The following LPIN1 variants were observed in gnomAD, a reference collection of about 807,000 sequenced individuals.
LPIN1 encodes phosphatidate phosphatase LPIN1.
A neutral mutation model predicts 107.5 loss-of-function variants in LPIN1; 71 were observed. The ratio of observed to expected loss-of-function variants is 0.66; its 90% CI spans 0.55 to 0.80. The LOEUF is 0.80. Among genes scored for constraint, LPIN1 ranks in the 30% least tolerant of loss-of-function variants. The pLI is 0.00. For synonymous variants in LPIN1, 445 were observed against 452.6 expected, an observed-to-expected ratio of 0.98 and a Z score of 0.21; for missense variants, 1,043 against 1,160.6, an observed-to-expected ratio of 0.90 and a Z score of 1.47.
At chr2:11,722,638 G>A (rs1664230015), upstream of LPIN1, 1 of 152,218 alleles carries the variant, frequency 6.6e-6, no homozygotes, top group African/African-American at 2.4e-5. Context: ...AAGGCTGGCG[G>A]GAGTGTTACA....
chr2:11,708,310 A>AG (rs1273639885), intron 1 of LPIN1, among the ~76,000 whole-genome samples: 3 of 152,080 alleles, frequency 2.0e-5, no homozygotes, highest in Admixed American at 1.3e-4. Flanking sequence ...TTATTTGCCA[A>AG]GGGGGGGACT....
At chr2:11,718,827 G>T (rs1025194709) in intron 2 of LPIN1, among the ~76,000 whole-genome samples, 1 of 152,160 alleles carries the variant, frequency 6.6e-6, no homozygotes, top group Non-Finnish European at 1.5e-5. Flanking sequence ...TAGTCTCTTG[G>T]GGGACAATTC....
At chr2:11,805,940 C>T (rs568282163) in intron 17 of LPIN1, among the ~76,000 whole-genome samples, 7 of 152,186 alleles carry the variant, frequency 4.6e-5, no homozygotes, top group Non-Finnish European at 1.0e-4. Context: ...AGCCTCTCTC[C>T]CGCTCAGTCA....
Position 11,771,444 on chromosome 2 carries a change from A to C in LPIN1, c.361A>C (p.Lys121Gln). 6.2e-7 allele frequency: 1 copy of C among 1,614,252 alleles called. No individual in the cohort carries two copies. The highest frequency in any genetic ancestry group is 2.2e-5 in the East Asian group (1 of 44,882). Reference protein sequence around the residue: ...EGASRMECQLKRGSVDRMRGL... With the variant: ...EGASRMECQLQRGSVDRMRGL... ...AGCTTCGAGAATGGAATGCCAGCTG[A>C]AAAGGGGCTCTGTGGACAGGATGAG... The change falls in exon 4 of 21, where the codon AAA becomes CAA. Residue 121 changes from lysine to glutamine, a missense_variant. Physicochemically the swap from Lys to Gln is moderately conservative, Grantham distance 53 (BLOSUM62 1). Coordinates refer to ENST00000674199, the MANE Select transcript of LPIN1 (RefSeq NM_001349206.2). The surrounding 1 kb of genome is among the most constrained non-coding windows in gnomAD (Gnocchi z 4.8).
chr2:11,715,157 G>A (rs1156491248), intron 2 of LPIN1, among the ~76,000 whole-genome samples: 1 of 152,310 alleles, frequency 6.6e-6, no homozygotes, highest in Non-Finnish European at 1.5e-5. Flanking sequence ...CCTGTGGGTG[G>A]GAGCGCAGGC....
chr2:11,772,645 G>A (rs930026170), intron 4 of LPIN1, among the ~76,000 whole-genome samples: 1 of 151,972 alleles, frequency 6.6e-6, no homozygotes, highest in Non-Finnish European at 1.5e-5. Flanking sequence ...TGGAAATTTT[G>A]TTTCCTTTTT....
chr2:11,736,478 A>C (rs1432661014), intron 1 of LPIN1, among the ~76,000 whole-genome samples: 8 of 152,184 alleles, frequency 5.3e-5, no homozygotes, highest in African/African-American at 1.7e-4. Flanking sequence ...TCTTGCCCTC[A>C]TGAGCTCATC....
chr2:11,709,731 A>T (rs1318725460), intron 1 of LPIN1, among the ~76,000 whole-genome samples: 1 of 152,268 alleles, frequency 6.6e-6, no homozygotes, highest in Non-Finnish European at 1.5e-5. Context: ...ACCCATTTGT[A>T]AACTGGGAGC....
At chr2:11,813,508 T>A (rs1218989190) in intron 17 of LPIN1, among the ~76,000 whole-genome samples, 1 of 152,186 alleles carries the variant, frequency 6.6e-6, no homozygotes, top group Admixed American at 6.5e-5. Context: ...CTCCTCACTT[T>A]CCAGACAGGG....
chr2:11,719,463 GGGT>G (rs1375042028), upstream of LPIN1, among the ~76,000 whole-genome samples: 1 of 152,180 alleles, frequency 6.6e-6, no homozygotes, highest in East Asian at 1.9e-4. Context: ...AGGAAGTCCA[GGGT>G]ATAGCTTGCT....
intron 17 of LPIN1, chr2:11,805,457 G>T: frequency 2.0e-6 from 1 of 506,450 alleles, no homozygotes; most frequent in Non-Finnish European, 3.6e-6. Context: ...CATCCCGAGG[G>T]ATGGCAGAGG....
At chr2:11,734,457 T>C (rs1665581229) in intron 1 of LPIN1, among the ~76,000 whole-genome samples, 1 of 152,240 alleles carries the variant, frequency 6.6e-6, no homozygotes, top group South Asian at 2.1e-4. Context: ...AGTCCTCAAG[T>C]AAGAGCACTT....
chr2:11,743,044 T>C (rs112863316), upstream of LPIN1, among the ~76,000 whole-genome samples: 1,550 of 152,336 alleles, frequency 0.01, 9 homozygotes, highest in Non-Finnish European at 0.015. This position sits in a 1 kb window ranked among gnomAD's most constrained non-coding sequence, Gnocchi z 4.7. Context: ...CCTGCATCAG[T>C]GCACGGCCCT....
At chr2:11,716,385 C>T (rs538815774) in intron 2 of LPIN1, among the ~76,000 whole-genome samples, 1 of 152,184 alleles carries the variant, frequency 6.6e-6, no homozygotes, top group East Asian at 1.9e-4. Context: ...GACTCAAAGT[C>T]TCTCTCTCCT....
chr2:11,696,122 G>T (rs1358737721), intron 1 of LPIN1, among the ~76,000 whole-genome samples: 1 of 149,150 alleles, frequency 6.7e-6, no homozygotes, highest in Non-Finnish European at 1.5e-5. Flanking sequence ...TGTTACATAG[G>T]TATACGTGTG....
upstream of LPIN1, among the ~76,000 whole-genome samples, chr2:11,721,240 A>G (rs1006789342): frequency 6.7e-6 from 1 of 150,372 alleles, no homozygotes; most frequent in Non-Finnish European, 1.5e-5. Context: ...TGGACCTGAG[A>G]TTGACAGTTA....
At chr2:11,743,137 T>C (rs943743998), upstream of LPIN1, among the ~76,000 whole-genome samples, 64 of 152,186 alleles carry the variant, frequency 4.2e-4, no homozygotes, top group Non-Finnish European at 2.6e-4. This position sits in a 1 kb window ranked among gnomAD's most constrained non-coding sequence, Gnocchi z 4.7. Context: ...ACAGACACTG[T>C]GTCTGGTCTG....
chr2:11,804,326 A>G (rs1678273864), intron 15 of LPIN1, 97 bp from the exon 16 acceptor site: 3 of 1,385,484 alleles, frequency 2.2e-6, no homozygotes, highest in Non-Finnish European at 3.0e-6. Context: ...ACTTGTTTTT[A>G]AAGCCGAATC....
chr2:11,718,471 T>G (rs1663900641), intron 2 of LPIN1, among the ~76,000 whole-genome samples: 1 of 152,212 alleles, frequency 6.6e-6, no homozygotes, highest in South Asian at 2.1e-4. Context: ...CCTCAAGTGA[T>G]CTGCCTGCCT....
Sources: gnomAD v4.1 joint callset for allele counts (sites outside exome capture counted in the v4.1 genomes callset) on GRCh38, gnomAD v4.1.1 for gene constraint, Gnocchi (gnomAD v3.1) non-coding constraint, MANE v1.5 for transcripts, NCBI Gene and HGNC (gene_info 2026-07-23, HGNC 2026-07-21) for gene names.